The following TBC1D1 variants were observed in gnomAD, a reference collection of about 807,000 sequenced individuals.
TBC1D1 encodes the protein TBC1 (tre-2/USP6, BUB2, cdc16) domain family, member 1.
TBC1D1 carries 89 observed loss-of-function variants against 125.6 expected under a neutral mutation model. The ratio of observed to expected loss-of-function variants is 0.71; its 90% CI spans 0.60 to 0.85. The LOEUF (loss-of-function observed/expected upper bound fraction) is 0.85, where lower values mean the gene tolerates loss of function less well. Among genes scored for constraint, TBC1D1 ranks in the 40% least tolerant of loss-of-function variants. The pLI, the probability that TBC1D1 is intolerant of heterozygous loss-of-function variation, is 0.00. For synonymous variants in TBC1D1, 565 were observed against 564.1 expected, an observed-to-expected ratio of 1.00 and a Z score of -0.02; for missense variants, 1,377 against 1,469.2, an observed-to-expected ratio of 0.94 and a Z score of 1.03.
At chr4:37,903,385 G>A (rs1332069970) in intron 2 of TBC1D1, among the ~76,000 whole-genome samples, 1 of 152,162 alleles carries the variant, frequency 6.6e-6, no homozygotes, top group Admixed American at 6.5e-5. Context: ...TTTCTCAGTT[G>A]GGCTCAGGGC....
chr4:37,903,106 A>G (rs1359807250), intron 2 of TBC1D1, among the ~76,000 whole-genome samples: 16 of 152,202 alleles, frequency 1.1e-4, no homozygotes, highest in Admixed American at 1.0e-3. Context: ...AGAACGCTGG[A>G]TATGCATCTA....
At position 38,039,178 on chromosome 4, in the gene TBC1D1, C is replaced by T. The variant is rs1384198799; in HGVS notation, c.1413+3480C>T. ...TGTCACCCAGGCTGGAGTGCAGTGG[C>T]GCTATCTTGGCTCACTGCAAGCCCC... On this transcript the variant is annotated intron_variant, in intron 8 of 19. Transcript: ENST00000261439. Among the ~76,000 whole-genome samples the T allele has an allele frequency of 2.7e-4, 31 of 113,352 alleles. No individual in the cohort carries two copies. The Admixed American group carries it at 4.0e-3, about 14-fold the overall frequency. 74.4% of individuals were successfully genotyped at this position (113,352 alleles called of 152,430 possible). A position where few individuals can be genotyped will look rare whatever the true frequency, so the allele number is the denominator to read the frequency against.
intron 14 of TBC1D1, among the ~76,000 whole-genome samples, chr4:38,101,334 A>G (rs531476384): frequency 2.4e-4 from 36 of 152,326 alleles, no homozygotes; most frequent in African/African-American, 7.2e-4. Context: ...AAGACAAGAA[A>G]GACTTGGCAT....
intron 2 of TBC1D1, among the ~76,000 whole-genome samples, chr4:37,916,419 G>T (rs1195963256): frequency 1.3e-5 from 2 of 151,878 alleles, no homozygotes; most frequent in East Asian, 3.9e-4. Flanking sequence ...ATCGTTTTTA[G>T]CAATTTCGTA....
intron 2 of TBC1D1, among the ~76,000 whole-genome samples, chr4:37,907,770 C>T (rs1410065918): frequency 6.6e-6 from 1 of 152,142 alleles, no homozygotes; most frequent in African/African-American, 2.4e-5. Context: ...CAGACTCAGA[C>T]CTAGAAACAT....
chr4:38,109,753 G>T (rs934848603), intron 15 of TBC1D1, among the ~76,000 whole-genome samples: 1 of 152,220 alleles, frequency 6.6e-6, no homozygotes, highest in African/African-American at 2.4e-5. Context: ...GGAAGCACAC[G>T]TTCTAGTGGG....
In TBC1D1 at chr4:37,977,826, C is replaced by T. The variant is rs1312351641; in HGVS notation, c.418-36683C>T. 6.6e-6 allele frequency among the ~76,000 whole-genome samples: 1 copy of T among 152,132 alleles called. No individual in the cohort carries two copies. The highest frequency in any genetic ancestry group is 2.4e-5 in the African/African-American group (1 of 41,444). ...AGCAGGCGGCTCCTCCGGCCCCTGT[C>T]GCTCCCCGCGCCGCGGAGCTGCCGC... is the stretch of plus-strand genomic sequence containing the variant. On this transcript the variant is annotated intron_variant, in intron 2 of 19. Coordinates refer to ENST00000261439, the MANE Select transcript of TBC1D1 (RefSeq NM_015173.4). The surrounding 1 kb of genome is among the most constrained non-coding windows in gnomAD (Gnocchi z 4.3).
At chr4:38,056,841 G>A (rs1238200365) in intron 12 of TBC1D1, among the ~76,000 whole-genome samples, 1 of 152,094 alleles carries the variant, frequency 6.6e-6, no homozygotes, top group Non-Finnish European at 1.5e-5. Flanking sequence ...TACTTGAGAA[G>A]TTTTTTTCCC....
At chr4:38,042,210 G>A (rs1164443251) in intron 8 of TBC1D1, among the ~76,000 whole-genome samples, 1 of 151,950 alleles carries the variant, frequency 6.6e-6, no homozygotes, top group South Asian at 2.1e-4. Context: ...TCATAGAGTA[G>A]GTAATAGTCA....
At position 38,049,811 on chromosome 4, in the gene TBC1D1, CA is replaced by C; in HGVS notation, c.1824del (p.Gln609AsnfsTer15). 1 of 1,614,180 alleles carries C rather than the reference CA, an allele frequency of 6.2e-7. No individual in the cohort carries two copies. Among genetic ancestry groups the C allele is most frequent in the Non-Finnish European group, 8.5e-7 (1 of 1,180,026 alleles). ...TTCCCCATCGAATGCCAGGAACCTC[CA>C]CAACCTGCCCGGGGGTCCCCGGGGG... is the stretch of plus-strand genomic sequence containing the variant. On this transcript the variant is annotated frameshift_variant, in exon 11 of 20. Coordinates refer to ENST00000261439, the MANE Select transcript of TBC1D1 (RefSeq NM_015173.4). LOFTEE classifies it high-confidence loss of function.
At chr4:38,051,848 G>A (rs562977596) in intron 11 of TBC1D1, 51 bp from the exon 12 acceptor site, 128 of 1,523,174 alleles carry the variant, frequency 8.4e-5, no homozygotes, top group Middle Eastern at 4.1e-4. Flanking sequence ...TGTCCCTGTC[G>A]GCGCCCCCTC....
chr4:38,108,534 A>C (rs1363110199), intron 15 of TBC1D1, among the ~76,000 whole-genome samples: 2 of 152,204 alleles, frequency 1.3e-5, no homozygotes, highest in Non-Finnish European at 2.9e-5. Flanking sequence ...TCTTTTGGTG[A>C]CCAGAAGTGC....
chr4:37,942,373 C>T (rs7686584), intron 2 of TBC1D1, among the ~76,000 whole-genome samples: 3,313 of 152,102 alleles, frequency 0.022, 125 homozygotes, highest in African/African-American at 0.076. Flanking sequence ...TTTCCATTTG[C>T]TTGTTAGATC....
chr4:37,906,986 TA>T (rs1577784842), intron 2 of TBC1D1, among the ~76,000 whole-genome samples: 1 of 152,228 alleles, frequency 6.6e-6, no homozygotes, highest in African/African-American at 2.4e-5. Flanking sequence ...ATTAATTTGT[TA>T]AAAAACAAAA....
At chr4:37,983,121 C>CTTTTTT (rs71190937) in intron 2 of TBC1D1, among the ~76,000 whole-genome samples, 1 of 116,604 alleles carries the variant, frequency 8.6e-6, no homozygotes, top group African/African-American at 3.3e-5. Flanking sequence ...TCCCCAAACT[C>CTTTTTT]TTTTTTTTTT....
intron 15 of TBC1D1, 40 bp downstream of exon 17, chr4:38,103,197 T>G (rs776275619): frequency 1.3e-6 from 2 of 1,573,812 alleles, no homozygotes; most frequent in South Asian, 2.4e-5. Flanking sequence ...AATGGAAGTT[T>G]CACTCACATG....
chr4:38,004,098 C>G (rs1000311562), intron 2 of TBC1D1, among the ~76,000 whole-genome samples: 11 of 152,212 alleles, frequency 7.2e-5, no homozygotes, highest in African/African-American at 2.7e-4. Flanking sequence ...CAGCTTATTT[C>G]AGCATTCCAA....
chr4:37,909,417 G>A (rs1560465185), intron 2 of TBC1D1, among the ~76,000 whole-genome samples: 1 of 152,024 alleles, frequency 6.6e-6, no homozygotes, highest in Non-Finnish European at 1.5e-5. Flanking sequence ...ATAATTCACC[G>A]TCTGCTTGGA....
At chr4:38,058,885 T>G (rs1230491610) in intron 12 of TBC1D1, among the ~76,000 whole-genome samples, 3 of 151,892 alleles carry the variant, frequency 2.0e-5, no homozygotes, top group African/African-American at 7.3e-5. Flanking sequence ...GGGTGTTAAG[T>G]GAGTAAGGAG....
Sources: allele counts gnomAD v4.1 joint callset (sites outside exome capture counted in the v4.1 genomes callset), GRCh38; gene constraint gnomAD v4.1.1; non-coding constraint Gnocchi (gnomAD v3.1); transcripts MANE v1.5; gene names NCBI Gene and HGNC (gene_info 2026-07-23, HGNC 2026-07-21).